The following GALNT10 variants were observed in gnomAD, a reference collection of about 807,000 sequenced individuals.
GALNT10 encodes GalNAc transferase 10.
A neutral mutation model predicts 75.0 loss-of-function variants in GALNT10; 41 were observed. That is an observed-to-expected ratio of 0.55 (90% CI 0.43 to 0.71). GALNT10 has a LOEUF of 0.71. Among genes scored for constraint, GALNT10 ranks in the 30% least tolerant of loss-of-function variants. The pLI is 0.00. For synonymous variants in GALNT10, 302 were observed against 313.0 expected, an observed-to-expected ratio of 0.96 and a Z score of 0.37; for missense variants, 727 against 818.5, an observed-to-expected ratio of 0.89 and a Z score of 1.36.
chr5:154,309,272 G>C (rs1754478400), intron 3 of GALNT10, among the ~76,000 whole-genome samples: 1 of 152,254 alleles, frequency 6.6e-6, no homozygotes, highest in Non-Finnish European at 1.5e-5. Flanking sequence ...AGTGTGGCTG[G>C]AGCCTGATGA....
chr5:154,337,906 A>G, intron 4 of GALNT10: 5 of 1,360,372 alleles, frequency 3.7e-6, no homozygotes, highest in Non-Finnish European at 5.2e-6. Flanking sequence ...CTAACTTTAC[A>G]TTTGTGGCCA....
At chr5:154,254,925 T>C (rs1253992763) in intron 1 of GALNT10, among the ~76,000 whole-genome samples, 1 of 152,152 alleles carries the variant, frequency 6.6e-6, no homozygotes, top group East Asian at 1.9e-4. Context: ...TCTGCATGTC[T>C]GCTTTTTTCC....
intron 4 of GALNT10, among the ~76,000 whole-genome samples, chr5:154,359,312 G>C (rs965904195): frequency 6.6e-6 from 1 of 152,130 alleles, no homozygotes; most frequent in Non-Finnish European, 1.5e-5. Flanking sequence ...GGGCAGGAGT[G>C]TTTGACCCTA....
At chr5:154,269,295 T>C (rs1227700730) in intron 1 of GALNT10, among the ~76,000 whole-genome samples, 2 of 152,162 alleles carry the variant, frequency 1.3e-5, no homozygotes, top group Non-Finnish European at 2.9e-5. Context: ...TGCTAGCTAT[T>C]ATTGTTCCTT....
chr5:154,241,243 G>T (rs1194962140), intron 1 of GALNT10, among the ~76,000 whole-genome samples: 1 of 152,170 alleles, frequency 6.6e-6, no homozygotes, highest in Non-Finnish European at 1.5e-5. Context: ...GTGTTTGGCA[G>T]TTCCTTAGAA....
At chr5:154,299,682 C>G (rs7710200) in intron 3 of GALNT10, among the ~76,000 whole-genome samples, 48,813 of 152,126 alleles carry the variant, frequency 0.32, 8,131 homozygotes, top group Non-Finnish European at 0.35. Flanking sequence ...ATGATCATCT[C>G]TACTTTGTAG....
intron 1 of GALNT10, among the ~76,000 whole-genome samples, chr5:154,207,836 G>T (rs924423691): frequency 2.0e-5 from 3 of 152,178 alleles, no homozygotes; most frequent in Non-Finnish European, 4.4e-5. Flanking sequence ...CACAGTTAGG[G>T]CCAGGTCATG....
intron 1 of GALNT10, among the ~76,000 whole-genome samples, chr5:154,288,602 T>TTC (rs35899519): frequency 0.48 from 73,581 of 151,826 alleles, 18,338 homozygotes; most frequent in African/African-American, 0.59. Flanking sequence ...TCTCCCTCAC[T>TTC]TCTTGCCATG....
chr5:154,394,954 AG>A (rs1278415639), intron 7 of GALNT10, among the ~76,000 whole-genome samples: 1 of 152,230 alleles, frequency 6.6e-6, no homozygotes, highest in Non-Finnish European at 1.5e-5. Context: ...GAAACAGGGA[AG>A]GCATTCTGCT....
intron 1 of GALNT10, among the ~76,000 whole-genome samples, chr5:154,266,068 A>G (rs1369620835): frequency 1.3e-5 from 2 of 152,256 alleles, no homozygotes; most frequent in African/African-American, 4.8e-5. Flanking sequence ...TTGAAACTTA[A>G]AGAAATTTTT....
intron 1 of GALNT10, among the ~76,000 whole-genome samples, chr5:154,192,503 T>A (rs1774873114): frequency 6.6e-6 from 1 of 152,390 alleles, no homozygotes; most frequent in South Asian, 2.1e-4. Flanking sequence ...TCCAGGGTTC[T>A]GACCTCAGCT....
intron 1 of GALNT10, among the ~76,000 whole-genome samples, chr5:154,221,495 G>T (rs191987049): frequency 6.6e-6 from 1 of 152,128 alleles, no homozygotes; most frequent in African/African-American, 2.4e-5. Flanking sequence ...AAACTCAGCC[G>T]CTCCTATTCC....
chr5:154,197,848 A>G (rs963180464), intron 1 of GALNT10, among the ~76,000 whole-genome samples: 3 of 152,196 alleles, frequency 2.0e-5, no homozygotes, highest in Non-Finnish European at 4.4e-5. Flanking sequence ...GAAGAGGGGC[A>G]GGTGCTTGCC....
chr5:154,205,656 C>T (rs1233512594), intron 1 of GALNT10, among the ~76,000 whole-genome samples: 2 of 152,198 alleles, frequency 1.3e-5, no homozygotes, highest in African/African-American at 4.8e-5. Context: ...AAGATGATGT[C>T]ATGCTGGAAT....
At chr5:154,233,616 C>T (rs975599521) in intron 1 of GALNT10, among the ~76,000 whole-genome samples, 1 of 152,084 alleles carries the variant, frequency 6.6e-6, no homozygotes, top group South Asian at 2.1e-4. Flanking sequence ...TTCAGAGCAC[C>T]CCCCACCAGC....
chr5:154,265,742 G>A (rs886752146), intron 1 of GALNT10, among the ~76,000 whole-genome samples: 6 of 152,242 alleles, frequency 3.9e-5, no homozygotes, highest in Admixed American at 3.3e-4. Context: ...TCAGGAAAGC[G>A]TGACAGCTGG....
intron 7 of GALNT10, among the ~76,000 whole-genome samples, chr5:154,395,545 G>A (rs1755997964): frequency 6.6e-6 from 1 of 152,232 alleles, no homozygotes; most frequent in African/African-American, 2.4e-5. Context: ...TGTGGTTATT[G>A]TGATCGGGCT....
intron 4 of GALNT10, among the ~76,000 whole-genome samples, chr5:154,354,584 C>G (rs1755259747): frequency 6.6e-6 from 1 of 152,208 alleles, no homozygotes. Flanking sequence ...GTGGTGGCTA[C>G]TCAGAAAGCC....
chr5:154,363,037 C>T (rs1444912229), intron 4 of GALNT10, among the ~76,000 whole-genome samples: 1 of 152,174 alleles, frequency 6.6e-6, no homozygotes, highest in Non-Finnish European at 1.5e-5. Context: ...GGGCTACCTC[C>T]CTGGCTTCAG....
Sources: allele counts gnomAD v4.1 joint callset (sites outside exome capture counted in the v4.1 genomes callset), GRCh38; gene constraint gnomAD v4.1.1; transcripts MANE v1.5; gene names NCBI Gene and HGNC (gene_info 2026-07-23, HGNC 2026-07-21).